The following CYP2C19 variants were observed in gnomAD, a reference collection of about 807,000 sequenced individuals.
CYP2C19 encodes the protein cytochrome P450 2C19.
Under a neutral mutation model 40.9 loss-of-function variants are expected in CYP2C19, and 59 were observed. The ratio of observed to expected loss-of-function variants is 1.44; its 90% CI spans 1.17 to 1.79. The LOEUF is 1.79. Ranked by LOEUF, CYP2C19 falls within the 40% of genes most tolerant of loss-of-function variation. The pLI is 0.00. For synonymous variants in CYP2C19, 253 were observed against 208.7 expected (o/e 1.21, Z -1.83); for missense variants, 754 against 596.9 (o/e 1.26, Z -2.74).
intron 6 of CYP2C19, among the ~76,000 whole-genome samples, chr10:94,823,847 C>T (rs562961164): frequency 2.6e-5 from 4 of 152,104 alleles, no homozygotes; most frequent in African/African-American, 9.7e-5. Flanking sequence ...ATAGAAAGTC[C>T]TGAGCTCCAG....
At chr10:94,802,686 C>A (rs985057414) in intron 5 of CYP2C19, among the ~76,000 whole-genome samples, 1 of 152,068 alleles carries the variant, frequency 6.6e-6, no homozygotes, top group Non-Finnish European at 1.5e-5. Context: ...AGTCAATGAT[C>A]TTTACAATTT....
chr10:94,762,841 G>T lies in CYP2C19; in HGVS notation c.136G>T (p.Asp46Tyr). 6.2e-7 allele frequency: 1 copy of T among 1,613,942 alleles called. No homozygotes were observed. Among genetic ancestry groups the T allele is most frequent in the Non-Finnish European group, 8.5e-7 (1 of 1,179,884 alleles). ...AGTGATTGGAAATATCCTACAGATAGATATTAAGGATGTCAGCAAATCCTT... is the reference window on the plus strand; with the variant it reads ...AGTGATTGGAAATATCCTACAGATATATATTAAGGATGTCAGCAAATCCTT... ...LPVIGNILQI[D>Y]IKDVSKSLTN... Residue 46 changes from aspartate (D) to tyrosine (Y), a missense_variant, in exon 1 of 9, where the codon GAT becomes TAT. By Grantham distance (160) the Asp-to-Tyr change is radical. Coordinates refer to ENST00000371321, the MANE Select transcript of CYP2C19 (RefSeq NM_000769.4).
At chr10:94,817,302 T>A (rs1330472962) in intron 5 of CYP2C19, among the ~76,000 whole-genome samples, 2 of 151,208 alleles carry the variant, frequency 1.3e-5, no homozygotes, top group African/African-American at 2.4e-5. Flanking sequence ...CTCATTGTGG[T>A]TTTGATTTGT....
chr10:94,838,090 A>G (rs1849433632), intron 6 of CYP2C19, among the ~76,000 whole-genome samples: 1 of 151,988 alleles, frequency 6.6e-6, no homozygotes, highest in Non-Finnish European at 1.5e-5. Flanking sequence ...AGGCAGTAGG[A>G]TTTTCTTCCT....
intron 5 of CYP2C19, among the ~76,000 whole-genome samples, chr10:94,786,828 T>G (rs1185962379): frequency 6.6e-6 from 1 of 152,158 alleles, no homozygotes; most frequent in African/African-American, 2.4e-5. Flanking sequence ...GCATCTATGT[T>G]GCTGCAAAGA....
chr10:94,814,548 G>A (rs1045549872), intron 5 of CYP2C19, among the ~76,000 whole-genome samples: 13 of 151,674 alleles, frequency 8.6e-5, no homozygotes, highest in African/African-American at 2.7e-4. Context: ...TAGTATCTGT[G>A]TAGTTTCTCT....
At chr10:94,836,625 C>A (rs1214608464) in intron 6 of CYP2C19, among the ~76,000 whole-genome samples, 1 of 152,172 alleles carries the variant, frequency 6.6e-6, no homozygotes, top group African/African-American at 2.4e-5. Context: ...CCAAGGAACC[C>A]TCTTAGTTGC....
intron 5 of CYP2C19, among the ~76,000 whole-genome samples, chr10:94,814,556 T>C (rs1039835969): frequency 6.6e-6 from 1 of 151,678 alleles, no homozygotes; most frequent in African/African-American, 2.4e-5. Flanking sequence ...GTGTAGTTTC[T>C]CTAGCTATGG....
chr10:94,775,211 A>G lies in CYP2C19; in HGVS notation c.322A>G (p.Arg108Gly), dbSNP rs764078534. The G allele has an allele frequency of 1.9e-6, 3 of 1,614,060 alleles. No individual in the cohort carries two copies. Among genetic ancestry groups the G allele is most frequent in the Non-Finnish European group, 1.7e-6 (2 of 1,180,008 alleles). ...GHFPLAERAN[R>G]GFGIVFSNGK... is the part of the protein sequence containing the mutation. The stretch of plus-strand genomic sequence containing the variant: ...TTTCCCACTGGCTGAAAGAGCTAAC[A>G]GAGGATTTGGTAGGTGTGCAAGTGC... Residue 108 changes from arginine (R) to glycine (G), a missense_variant, in exon 2 of 9, where the codon AGA (arginine) becomes GGA (glycine). Transcript: ENST00000371321.
chr10:94,794,887 C>T (rs1477662316), intron 5 of CYP2C19, among the ~76,000 whole-genome samples: 1 of 151,948 alleles, frequency 6.6e-6, no homozygotes, highest in Admixed American at 6.6e-5. Context: ...AATTGAATAC[C>T]CTTTATTTCT....
At chr10:94,787,158 C>G (rs1848553132) in intron 5 of CYP2C19, among the ~76,000 whole-genome samples, 1 of 152,012 alleles carries the variant, frequency 6.6e-6, no homozygotes, top group African/African-American at 2.4e-5. Flanking sequence ...TTACCAACAT[C>G]TGTTATTTTT....
At chr10:94,837,780 T>C (rs1849427972) in intron 6 of CYP2C19, among the ~76,000 whole-genome samples, 1 of 152,138 alleles carries the variant, frequency 6.6e-6, no homozygotes. Flanking sequence ...TGGCATGGGC[T>C]GGGGCTTGCC....
At chr10:94,817,968 C>A (rs1214619741) in intron 5 of CYP2C19, among the ~76,000 whole-genome samples, 355 of 131,274 alleles carry the variant, frequency 2.7e-3, no homozygotes, top group Middle Eastern at 3.6e-3. Context: ...AGCCGAGATC[C>A]CGCCACTGCA....
intron 5 of CYP2C19, among the ~76,000 whole-genome samples, chr10:94,817,735 C>T (rs112557933): frequency 2.0e-4 from 31 of 152,174 alleles, no homozygotes; most frequent in East Asian, 5.8e-4. Flanking sequence ...AATCTTTGGC[C>T]GGGTGCGGTG....
At chr10:94,777,926 A>G (rs746195055) in intron 3 of CYP2C19, among the ~76,000 whole-genome samples, 2 of 152,118 alleles carry the variant, frequency 1.3e-5, no homozygotes, top group Non-Finnish European at 1.5e-5. Context: ...AGAATCCACA[A>G]GGAACTTAAA....
At chr10:94,799,490 T>A (rs1187394675) in intron 5 of CYP2C19, among the ~76,000 whole-genome samples, 1 of 152,180 alleles carries the variant, frequency 6.6e-6, no homozygotes, top group Non-Finnish European at 1.5e-5. Flanking sequence ...TTGGGGTTGC[T>A]CTTCTCGAGG....
intron 5 of CYP2C19, among the ~76,000 whole-genome samples, chr10:94,804,017 G>T (rs1051841736): frequency 6.6e-6 from 1 of 152,064 alleles, no homozygotes; most frequent in Admixed American, 6.6e-5. Flanking sequence ...AGTCTGCCTG[G>T]GTGTGGAGCA....
At chr10:94,848,296 G>A (rs1352776395) in intron 7 of CYP2C19, among the ~76,000 whole-genome samples, 3 of 152,074 alleles carry the variant, frequency 2.0e-5, no homozygotes, top group South Asian at 2.1e-4. Context: ...TTCTACATAC[G>A]GCTAGTCAGT....
At chr10:94,793,595 G>A (rs909273490) in intron 5 of CYP2C19, among the ~76,000 whole-genome samples, 7 of 152,140 alleles carry the variant, frequency 4.6e-5, no homozygotes, top group Non-Finnish European at 1.0e-4. Flanking sequence ...ACTCTCAGGT[G>A]CAGGCCTGTT....
Sources: allele counts gnomAD v4.1 joint callset (sites outside exome capture counted in the v4.1 genomes callset), GRCh38; gene constraint gnomAD v4.1.1; transcripts MANE v1.5; gene names NCBI Gene and HGNC (gene_info 2026-07-23, HGNC 2026-07-21).